HTT: variants seen among roughly 807,000 people sequenced by gnomAD.
HTT encodes the protein huntingtin.
A neutral mutation model predicts 362.3 loss-of-function variants in HTT; 104 were observed. The observed-to-expected ratio is 0.29, with a 90% CI of 0.24 to 0.34. HTT has a LOEUF of 0.34. Ranked by LOEUF, HTT falls within the 10% of genes least tolerant of loss-of-function variation. HTT has a pLI of 1.00. For synonymous variants in HTT, 1,577 were observed against 1,548.7 expected, an observed-to-expected ratio of 1.02 and a Z score of -0.43; for missense variants, 3,301 against 3,928.6, an observed-to-expected ratio of 0.84 and a Z score of 4.27.
rs754013273 is a variant in HTT at position 3,074,913 on chromosome 4, CAG to C, written c.89_90del (p.Gln30ProfsTer52). On this transcript the variant is annotated frameshift_variant, in exon 1 of 67. Coordinates refer to ENST00000355072, the MANE Select transcript of HTT (RefSeq NM_001388492.1). LOFTEE classifies it high-confidence loss of function. ...QQQQQQQQQQ[Q>X]QQQQQQQQPP... ...GCAGCAGCAGCAGCAGCAGCAGCAGCAGCAGCAGCAGCAGCAGCAGCAACAGC... is the reference window on the plus strand; with the variant it reads ...GCAGCAGCAGCAGCAGCAGCAGCAGCCAGCAGCAGCAGCAGCAGCAACAGC... 2,485 of 1,498,526 alleles carry C rather than the reference CAG, an allele frequency of 1.7e-3. 11 individuals are homozygous for C. The highest frequency in any genetic ancestry group is 1.6e-3 in the Non-Finnish European group (1,826 of 1,129,028). The allele number at this position is 1,498,526 out of a possible 1,614,324, so 92.8% of individuals were successfully genotyped here. A position where few individuals can be genotyped will look rare whatever the true frequency, so the allele number is the denominator to read the frequency against.
rs200178417 is a variant in HTT, at chr4:3,131,641, T to G, written c.2102T>G (p.Leu701Arg). The G allele has an allele frequency of 3.3e-4, 532 of 1,612,376 alleles. No homozygotes were observed. The highest frequency in any genetic ancestry group is 3.7e-4 in the Non-Finnish European group (441 of 1,179,146). The change falls in exon 16 of 67, where the codon CTG becomes CGG. Residue 701 changes from leucine to arginine, a missense_variant. By Grantham distance (102) the Leu-to-Arg change is moderately radical. Coordinates refer to ENST00000355072, the MANE Select transcript of HTT (RefSeq NM_001388492.1). Reference protein sequence around the residue: ...SFLLTGGKNVLVPDRDVRVSV... With the variant: ...SFLLTGGKNVRVPDRDVRVSV... ...GGCTTGGGTGATTTCTTGGCAGTGC[T>G]GGTTCCGGACAGGGATGTGAGGGTC...
chr4:3,094,653 G>T (rs1301757746), intron 2 of HTT, among the ~76,000 whole-genome samples: 1 of 144,932 alleles, frequency 6.9e-6, no homozygotes, highest in Non-Finnish European at 1.5e-5. Context: ...GGACGGGGCG[G>T]GTGGCCGGGC....
At chr4:3,173,333 T>C (rs1718079802) in intron 31 of HTT, 3 of 576,674 alleles carry the variant, frequency 5.2e-6, no homozygotes, top group Non-Finnish European at 3.1e-6. Flanking sequence ...GTGTGGCCAG[T>C]GAGTGAGATG....
rs896735231 is a variant in HTT, at chr4:3,127,183, G to A, written c.1403-81G>A. ...TGAAACATTTGATAACGGTGGAACT[G>A]TTCGTTATTTTGCAAGCCTGTGATT... is the stretch of plus-strand genomic sequence containing the variant. On this transcript the variant is annotated intron_variant, in intron 11 of 66. Coordinates refer to ENST00000355072, the MANE Select transcript of HTT (RefSeq NM_001388492.1). 4 of 1,015,076 alleles carry A rather than the reference G, an allele frequency of 3.9e-6. No homozygotes were observed. The African/African-American group carries it at 6.3e-5, about 16-fold the overall frequency. The allele number at this position is 1,015,076 out of a possible 1,614,324, so 62.9% of individuals were successfully genotyped here.
chr4:3,189,241 T>G (rs1718907860), intron 40 of HTT, 148 bp downstream of exon 40: 2 of 746,768 alleles, frequency 2.7e-6, no homozygotes, highest in Non-Finnish European at 4.4e-6. Context: ...AGAGTACACC[T>G]GATACCATGT....
intron 10 of HTT, 27 bp downstream of exon 10, chr4:3,122,963 G>A: frequency 6.3e-7 from 1 of 1,581,784 alleles, no homozygotes; most frequent in Non-Finnish European, 8.7e-7. Context: ...TCAGAGTCTT[G>A]TGTTGAATCT....
At chr4:3,226,120 T>G (rs1720898349) in intron 57 of HTT, among the ~76,000 whole-genome samples, 1 of 151,420 alleles carries the variant, frequency 6.6e-6, no homozygotes, top group South Asian at 2.1e-4. Context: ...GTAGACGCCA[T>G]GAAGGGCCAT....
At chr4:3,191,002 G>A (rs989986621) in intron 40 of HTT, among the ~76,000 whole-genome samples, 1 of 152,136 alleles carries the variant, frequency 6.6e-6, no homozygotes, top group African/African-American at 2.4e-5. Context: ...TTCAGCAGTT[G>A]ATCTGTTGGA....
intron 41 of HTT, 97 bp downstream of exon 41, chr4:3,200,036 A>AT (rs1719460047): frequency 1.0e-6 from 1 of 979,834 alleles, no homozygotes; most frequent in African/African-American, 1.6e-5. Flanking sequence ...AAGCATTTTC[A>AT]TTTTCCATTT....
chr4:3,209,751 G>A, intron 46 of HTT, 76 bp from the exon 47 acceptor site: 1 of 1,576,852 alleles, frequency 6.3e-7, no homozygotes. Context: ...ACTGGCCTAG[G>A]CCTGTAGCTC....
intron 64 of HTT, among the ~76,000 whole-genome samples, chr4:3,237,048 G>T (rs912644615): frequency 6.6e-6 from 1 of 152,144 alleles, no homozygotes; most frequent in Non-Finnish European, 1.5e-5. Flanking sequence ...CCAAGCCTGT[G>T]CTGGTCTGTT....
At chr4:3,203,874 C>T (rs1719713567) in intron 41 of HTT, 133 bp from the exon 42 acceptor site, 3 of 797,298 alleles carry the variant, frequency 3.8e-6, no homozygotes, top group East Asian at 2.5e-5. Context: ...ACACATACAA[C>T]ATTCTGATAT....
chr4:3,130,011 G>A lies in HTT; in HGVS notation c.1831G>A (p.Asp611Asn), dbSNP rs768582246. The A allele has an allele frequency of 6.2e-7, 1 of 1,613,470 alleles. No individual in the cohort carries two copies. Among genetic ancestry groups the A allele is most frequent in the South Asian group, 1.1e-5 (1 of 90,952 alleles). ...TGAGGAAGCCACAGGTATTCTTCCT[G>A]ATGAAGCCTCGGAGGCCTTCAGGAA... ...EDEEATGILP[D>N]EASEAFRNSS... Residue 611 changes from aspartate (D) to asparagine (N), a missense_variant, in exon 13 of 67, where the codon GAT becomes AAT. This residue lies in a region of HTT where 2,316 missense variants were observed against 2,658.5 expected (regional missense o/e 0.87). Transcript: ENST00000355072.
At chr4:3,143,726 C>T (rs1403722122) in intron 23 of HTT, among the ~76,000 whole-genome samples, 1 of 151,660 alleles carries the variant, frequency 6.6e-6, no homozygotes, top group Non-Finnish European at 1.5e-5. Flanking sequence ...GCCTCAGCCT[C>T]CTGAGTAGCT....
chr4:3,125,414 ATACT>A, intron 10 of HTT, 131 bp from the exon 11 acceptor site: 1 of 571,910 alleles, frequency 1.7e-6, no homozygotes, highest in East Asian at 2.9e-5. Context: ...AGGTATAAAA[ATACT>A]TATATATGAT....
chr4:3,174,251 T>G (rs935166621), intron 31 of HTT, among the ~76,000 whole-genome samples: 1 of 152,180 alleles, frequency 6.6e-6, no homozygotes, highest in African/African-American at 2.4e-5. Context: ...TCTGTAACCA[T>G]TTGGGGTATT....
At chr4:3,107,954 C>A (rs1261996098) in intron 6 of HTT, among the ~76,000 whole-genome samples, 1 of 152,174 alleles carries the variant, frequency 6.6e-6, no homozygotes, top group Admixed American at 6.5e-5. Context: ...TAGGTCAGTC[C>A]TGGGTTTGAG....
intron 26 of HTT, among the ~76,000 whole-genome samples, chr4:3,152,531 T>C (rs1269229185): frequency 1.3e-5 from 2 of 152,180 alleles, no homozygotes; most frequent in East Asian, 3.9e-4. Context: ...AACTCTGTAC[T>C]CTTTACCCAA....
intron 53 of HTT, among the ~76,000 whole-genome samples, chr4:3,221,334 C>T (rs541552535): frequency 6.6e-6 from 1 of 152,310 alleles, no homozygotes; most frequent in African/African-American, 2.4e-5. Flanking sequence ...CTGTGAGGAT[C>T]GGTATCAGTG....
Sources: allele counts gnomAD v4.1 joint callset (sites outside exome capture counted in the v4.1 genomes callset), GRCh38; gene constraint gnomAD v4.1.1; regional missense constraint gnomAD v4.1.1; transcripts MANE v1.5; gene names NCBI Gene and HGNC (gene_info 2026-07-23, HGNC 2026-07-21).